DLGAP2: variants seen among roughly 807,000 people sequenced by gnomAD.
DLGAP2 encodes disks large-associated protein 2.
A neutral mutation model predicts 100.3 loss-of-function variants in DLGAP2; 26 were observed. The ratio of observed to expected loss-of-function variants is 0.26; its 90% CI spans 0.19 to 0.36. The LOEUF (loss-of-function observed/expected upper bound fraction) is 0.36. DLGAP2 is among the 10% of genes least tolerant of loss of function. The probability of loss-of-function intolerance (pLI) is 1.00; values close to 1 mark genes in which losing one functional copy is unlikely to be tolerated. For synonymous variants in DLGAP2, 886 were observed against 630.1 expected (o/e 1.41, Z -6.08); for missense variants, 1,858 against 1,453.2 (o/e 1.28, Z -4.53).
chr8:1,273,341 G>C (rs1799619889), intron 3 of DLGAP2, among the ~76,000 whole-genome samples: 1 of 152,174 alleles, frequency 6.6e-6, no homozygotes, highest in Non-Finnish European at 1.5e-5. Context: ...CCTGTTGCCA[G>C]CTGAGCATTT....
intron 3 of DLGAP2, among the ~76,000 whole-genome samples, chr8:1,349,600 C>G (rs145629706): frequency 0.18 from 15,275 of 85,992 alleles, 723 homozygotes; most frequent in East Asian, 0.27. Flanking sequence ...CATGAGCCTC[C>G]TGCCCACATC....
intron 2 of DLGAP2, among the ~76,000 whole-genome samples, chr8:1,006,005 A>T (rs774384298): frequency 9.2e-5 from 14 of 152,078 alleles, no homozygotes; most frequent in South Asian, 6.2e-4. Flanking sequence ...CCTGGCCAAC[A>T]TGGTGAAACC....
intron 6 of DLGAP2, among the ~76,000 whole-genome samples, chr8:1,615,293 C>G (rs1797113911): frequency 6.6e-6 from 1 of 152,268 alleles, no homozygotes; most frequent in Non-Finnish European, 1.5e-5. Flanking sequence ...ACGCACGAGC[C>G]AAACACCCAA....
At chr8:1,415,326 A>AT (rs1379530278) in intron 3 of DLGAP2, among the ~76,000 whole-genome samples, 1 of 151,960 alleles carries the variant, frequency 6.6e-6, no homozygotes, top group Admixed American at 6.6e-5. Context: ...TTCAACTTTT[A>AT]TTTTAGATCC....
At chr8:1,139,085 G>C (rs919541956) in intron 2 of DLGAP2, among the ~76,000 whole-genome samples, 2 of 152,240 alleles carry the variant, frequency 1.3e-5, no homozygotes, top group Non-Finnish European at 2.9e-5. Flanking sequence ...TGGTTGTTCA[G>C]GTGTTTCCTC....
chr8:1,637,512 A>G (rs552931954), intron 8 of DLGAP2, among the ~76,000 whole-genome samples: 1 of 152,256 alleles, frequency 6.6e-6, no homozygotes, highest in East Asian at 1.9e-4. Context: ...CAAAGGCAAC[A>G]AAAAGCTGCG....
rs190259562 is a variant in DLGAP2 at position 1,100,343 on chromosome 8, G to A, written c.74-158508G>A. On this transcript the variant is annotated intron_variant, in intron 2 of 14. Transcript: ENST00000637795. The stretch of plus-strand genomic sequence containing the variant: ...GTCCAGCATGTCCACAGTGTACAGC[G>A]TGTGTAGGGAAAACCTTTGTCCAGC... Among the ~76,000 whole-genome samples the A allele has an allele frequency of 2.6e-4, 40 of 151,828 alleles. 1 individual carries two copies. Among genetic ancestry groups the A allele is most frequent in the Admixed American group, 2.3e-3 (35 of 15,240 alleles).
At chr8:1,139,205 G>A (rs1192534345) in intron 2 of DLGAP2, among the ~76,000 whole-genome samples, 2 of 152,172 alleles carry the variant, frequency 1.3e-5, no homozygotes, top group Non-Finnish European at 2.9e-5. Context: ...TGTGCACAGG[G>A]CGGGGGGAGC....
chr8:1,478,083 A>G (rs952534447), intron 3 of DLGAP2, among the ~76,000 whole-genome samples: 1 of 152,152 alleles, frequency 6.6e-6, no homozygotes, highest in Non-Finnish European at 1.5e-5. Flanking sequence ...TCTTTTCCCC[A>G]TTTGCCGTCT....
chr8:738,237 G>T (rs1231881408), intron 1 of DLGAP2: 6 of 157,156 alleles, frequency 3.8e-5, no homozygotes, highest in African/African-American at 1.2e-4. Context: ...TGGGGGCGGC[G>T]GGCAGCAGAC....
chr8:1,351,757 A>AAAGGCCGTGCGGGTCCTGACTG (rs1334863526), intron 3 of DLGAP2, among the ~76,000 whole-genome samples: 6 of 11,438 alleles, frequency 5.2e-4, no homozygotes, highest in Non-Finnish European at 6.6e-4. Context: ...GGTCCTGACT[A>AAAGGCCGTGCGGGTCCTGACTG]TGTGTGGAAA....
chr8:1,626,296 C>G (rs111749112), intron 6 of DLGAP2, among the ~76,000 whole-genome samples: 21 of 106,336 alleles, frequency 2.0e-4, no homozygotes, highest in African/African-American at 3.4e-4. Flanking sequence ...CCCATCTCTG[C>G]CCTGTGGTGG....
At chr8:1,248,655 G>T (rs1440996476) in intron 2 of DLGAP2, 2 of 142,138 alleles carry the variant, frequency 1.4e-5, no homozygotes, top group South Asian at 2.3e-4. Flanking sequence ...GTGGGAGGCG[G>T]TGCCAGCCTG....
intron 3 of DLGAP2, among the ~76,000 whole-genome samples, chr8:1,420,937 T>C (rs988399714): frequency 6.6e-6 from 1 of 152,162 alleles, no homozygotes; most frequent in African/African-American, 2.4e-5. Flanking sequence ...AATCATTCGA[T>C]TGGCTGTTTT....
intron 3 of DLGAP2, among the ~76,000 whole-genome samples, chr8:1,493,237 C>A (rs566900369): frequency 1.3e-5 from 2 of 152,046 alleles, no homozygotes; most frequent in South Asian, 2.1e-4. Flanking sequence ...ATGGATGGAG[C>A]GCATAGAGGG....
At chr8:1,472,134 C>T (rs1372401264) in intron 3 of DLGAP2, among the ~76,000 whole-genome samples, 2 of 152,210 alleles carry the variant, frequency 1.3e-5, no homozygotes, top group Non-Finnish European at 2.9e-5. Flanking sequence ...AGTGAGAACG[C>T]AGAGCAGGAC....
chr8:1,048,658 G>A (rs1802586558), intron 2 of DLGAP2, among the ~76,000 whole-genome samples: 1 of 151,952 alleles, frequency 6.6e-6, no homozygotes, highest in African/African-American at 2.4e-5. Context: ...ATGCCTTGAT[G>A]TGGGTGCTGT....
chr8:1,621,692 A>T (rs1046020986), intron 6 of DLGAP2: 3 of 152,472 alleles, frequency 2.0e-5, no homozygotes, highest in African/African-American at 7.2e-5. Context: ...CCAGGAGGGC[A>T]GCCAAGCAAG....
chr8:1,675,515 G>A (rs773387218), intron 10 of DLGAP2, among the ~76,000 whole-genome samples: 1 of 152,220 alleles, frequency 6.6e-6, no homozygotes, highest in Non-Finnish European at 1.5e-5. Context: ...GCCAGTCCTC[G>A]TTGACACAGG....
Sources: gnomAD v4.1 joint callset for allele counts (sites outside exome capture counted in the v4.1 genomes callset) on GRCh38, gnomAD v4.1.1 for gene constraint, MANE v1.5 for transcripts, NCBI Gene and HGNC (gene_info 2026-07-23, HGNC 2026-07-21) for gene names.